The following DSCAM variants were observed in gnomAD, a reference collection of about 807,000 sequenced individuals.
DSCAM encodes the protein cell adhesion molecule DSCAM.
Under a neutral mutation model 217.7 loss-of-function variants are expected in DSCAM, and 47 were observed. That is an observed-to-expected ratio of 0.22 (90% CI 0.17 to 0.28). The LOEUF (loss-of-function observed/expected upper bound fraction) is 0.28. Ranked by LOEUF, DSCAM falls within the 10% of genes least tolerant of loss-of-function variation. DSCAM has a pLI of 1.00. For synonymous variants in DSCAM, 1,056 were observed against 1,015.3 expected (o/e 1.04, Z -0.76); for missense variants, 2,080 against 2,618.3 (o/e 0.79, Z 4.49).
intron 4 of DSCAM, among the ~76,000 whole-genome samples, chr21:40,355,956 A>G (rs1352172132): frequency 6.6e-6 from 1 of 152,214 alleles, no homozygotes. Context: ...TGTCATTGCA[A>G]ATGGGAAGAT....
rs11088509 is a variant in DSCAM, at chr21:40,144,118, T to A, written c.3259+373A>T. 0.43 allele frequency among the ~76,000 whole-genome samples: 65,699 copies of A among 152,146 alleles called. 17,216 individuals carry two copies. Among genetic ancestry groups the A allele is most frequent in the South Asian group, 0.59 (2,823 of 4,824 alleles). ...AAACAATGAAAAATAAAATAAATTT[T>A]AAAAAACCTTCTTAACATTTGGGAG... On this transcript the variant is annotated intron_variant, in intron 17 of 32. Coordinates refer to ENST00000400454, the MANE Select transcript of DSCAM (RefSeq NM_001389.5). This position sits in a 1 kb window ranked among gnomAD's most constrained non-coding sequence, Gnocchi z 4.8.
rs527926387 is a variant in DSCAM, at chr21:40,045,300, C to G, written c.5186-1025G>C. Among the ~76,000 whole-genome samples the G allele has an allele frequency of 4.6e-5, 7 of 152,304 alleles. No homozygotes were observed. In the South Asian group the frequency reaches 1.0e-3, roughly 23 times the overall value. ...AAGCAGAGGGACCATATTTTTATGT[C>G]CCAACTCTCCTTAAGGCCTTGCCTA... On this transcript the variant is annotated intron_variant, in intron 30 of 32. Transcript: ENST00000400454.
intron 1 of DSCAM, among the ~76,000 whole-genome samples, chr21:40,709,535 T>C (rs112367376): frequency 0.066 from 10,072 of 152,012 alleles, 328 homozygotes; most frequent in African/African-American, 0.093. Context: ...TTCCCCTCCC[T>C]GTGTCCACGT....
intron 3 of DSCAM, among the ~76,000 whole-genome samples, chr21:40,564,737 C>T (rs2076752121): frequency 6.6e-6 from 1 of 152,206 alleles, no homozygotes; most frequent in Admixed American, 6.5e-5. Flanking sequence ...CCTATTCTGC[C>T]AGTCAAGAAA....
At chr21:40,087,487 T>C (rs1167014037) in intron 21 of DSCAM, among the ~76,000 whole-genome samples, 200 bp from the exon 22 acceptor site, 1 of 152,214 alleles carries the variant, frequency 6.6e-6, no homozygotes, top group Non-Finnish European at 1.5e-5. Flanking sequence ...AAATTCCCAT[T>C]GTAGCATTCT....
At chr21:40,772,246 G>A (rs1255280980) in intron 1 of DSCAM, among the ~76,000 whole-genome samples, 1 of 152,090 alleles carries the variant, frequency 6.6e-6, no homozygotes, top group East Asian at 1.9e-4. Flanking sequence ...TTGGTTCATT[G>A]CTACCTCCAC....
At chr21:40,350,084 G>C (rs2074612771) in intron 5 of DSCAM, among the ~76,000 whole-genome samples, 1 of 151,766 alleles carries the variant, frequency 6.6e-6, no homozygotes, top group African/African-American at 2.4e-5. Context: ...TTAAGTTCTG[G>C]GATACATGCG....
At chr21:40,220,046 A>C (rs2091277181) in intron 11 of DSCAM, among the ~76,000 whole-genome samples, 1 of 152,220 alleles carries the variant, frequency 6.6e-6, no homozygotes, top group South Asian at 2.1e-4. Flanking sequence ...ACAGCTGTAA[A>C]CTGTTTTCAA....
In DSCAM at chr21:40,498,688, TATATATATAGATATATATATATGG is replaced by T. The variant is rs2076141982; in HGVS notation, c.509-129467_509-129444del. On this transcript the variant is annotated intron_variant, in intron 3 of 32. Coordinates refer to ENST00000400454, the MANE Select transcript of DSCAM (RefSeq NM_001389.5). ...ATACCCATATATATATATATATATA[TATATATATAGATATATATATATGG>T]GTGTATATATATATGGGTGTGTGTA... is the stretch of plus-strand genomic sequence containing the variant. Among the ~76,000 whole-genome samples, 6 of 6,646 alleles carry T rather than the reference TATATATATAGATATATATATATGG, an allele frequency of 9.0e-4. No individual in the cohort carries two copies. In the African/African-American group the frequency reaches 9.7e-3, roughly 11 times the overall value. 4.4% of individuals were successfully genotyped at this position (6,646 alleles called of 152,430 possible). A position where few individuals can be genotyped will look rare whatever the true frequency, so the allele number is the denominator to read the frequency against.
chr21:40,030,805 C>A (rs1223833762), intron 32 of DSCAM, among the ~76,000 whole-genome samples: 1 of 152,092 alleles, frequency 6.6e-6, no homozygotes, highest in Non-Finnish European at 1.5e-5. Context: ...TTCTTAGTAA[C>A]TCTCCCTCAG....
chr21:40,221,893 G>T (rs930545031), intron 11 of DSCAM, among the ~76,000 whole-genome samples: 3 of 152,174 alleles, frequency 2.0e-5, no homozygotes, highest in Non-Finnish European at 4.4e-5. Flanking sequence ...CAGAATGGCA[G>T]AAACATACAA....
chr21:40,641,719 C>G (rs2089881082), intron 3 of DSCAM, among the ~76,000 whole-genome samples: 1 of 152,152 alleles, frequency 6.6e-6, no homozygotes, highest in African/African-American at 2.4e-5. Context: ...TTTACTCTGA[C>G]ATGGAGAGCC....
intron 3 of DSCAM, among the ~76,000 whole-genome samples, chr21:40,487,689 A>G (rs1732377066): frequency 6.6e-6 from 1 of 152,196 alleles, no homozygotes; most frequent in African/African-American, 2.4e-5. Context: ...TAATAATCTT[A>G]GAGACGGAAC....
intron 3 of DSCAM, among the ~76,000 whole-genome samples, chr21:40,516,187 A>C (rs1188191108): frequency 6.6e-6 from 1 of 152,004 alleles, no homozygotes; most frequent in East Asian, 1.9e-4. Flanking sequence ...ACCTCTATTA[A>C]AATTAATTTT....
At chr21:40,786,556 G>T (rs576379563) in intron 1 of DSCAM, among the ~76,000 whole-genome samples, 1 of 152,222 alleles carries the variant, frequency 6.6e-6, no homozygotes, top group African/African-American at 2.4e-5. Context: ...ACTGAATTTT[G>T]AGAAGTAGTG....
At chr21:40,234,358 A>G (rs575267308) in intron 11 of DSCAM, among the ~76,000 whole-genome samples, 1 of 152,320 alleles carries the variant, frequency 6.6e-6, no homozygotes, top group Non-Finnish European at 1.5e-5. Flanking sequence ...TGCCTGTAAA[A>G]TGGAAATCAT....
At chr21:40,387,768 G>A (rs370436263) in intron 3 of DSCAM, among the ~76,000 whole-genome samples, 6 of 152,192 alleles carry the variant, frequency 3.9e-5, no homozygotes, top group African/African-American at 1.2e-4. Flanking sequence ...TTTAAATGTT[G>A]CAAAACTATA....
chr21:40,650,362 T>C (rs2146358263), intron 3 of DSCAM, among the ~76,000 whole-genome samples: 1 of 152,370 alleles, frequency 6.6e-6, no homozygotes, highest in South Asian at 2.1e-4. Context: ...GACATTGTGA[T>C]GGGTTAATTT....
chr21:40,135,971 G>A (rs991929000), intron 18 of DSCAM, among the ~76,000 whole-genome samples: 1 of 152,232 alleles, frequency 6.6e-6, no homozygotes, highest in Non-Finnish European at 1.5e-5. Context: ...CCAGGCCCCA[G>A]TGGGAGCCAA....
Sources: allele counts gnomAD v4.1 joint callset (sites outside exome capture counted in the v4.1 genomes callset), GRCh38; gene constraint gnomAD v4.1.1; non-coding constraint Gnocchi (gnomAD v3.1); transcripts MANE v1.5; gene names NCBI Gene and HGNC (gene_info 2026-07-23, HGNC 2026-07-21).